Variants in DLG2 observed in about 807,000 individuals in gnomAD.
DLG2 encodes disks large homolog 2.
In DLG2, 45 loss-of-function variants were observed where a neutral mutation model predicts 132.5. The observed-to-expected ratio is 0.34, with a 90% CI of 0.27 to 0.44. The LOEUF is 0.44. DLG2 is among the 20% of genes least tolerant of loss of function. The pLI, the probability that DLG2 is intolerant of heterozygous loss-of-function variation, is 1.00. For missense variants in DLG2, 1,045 were observed against 1,196.9 expected, an observed-to-expected ratio of 0.87 and a Z score of 1.87; for synonymous variants, 424 against 419.6, an observed-to-expected ratio of 1.01 and a Z score of -0.13.
intron 2 of DLG2, among the ~76,000 whole-genome samples, chr11:85,603,263 GT>G (rs1040514062): frequency 6.6e-6 from 1 of 152,148 alleles, no homozygotes; most frequent in African/African-American, 2.4e-5. Context: ...ACAATCAGCA[GT>G]TTCCCCAAAA....
chr11:84,414,256 A>G (rs1473113448), intron 7 of DLG2, among the ~76,000 whole-genome samples: 1 of 152,206 alleles, frequency 6.6e-6, no homozygotes, highest in Non-Finnish European at 1.5e-5. Flanking sequence ...GTTTACTGTT[A>G]TCATTTTATT....
chr11:85,134,092 G>A (rs1156803630), intron 5 of DLG2, among the ~76,000 whole-genome samples: 1 of 151,894 alleles, frequency 6.6e-6, no homozygotes, highest in Non-Finnish European at 1.5e-5. Context: ...AGCACTGCCT[G>A]ACCAATAAAA....
chr11:84,802,741 G>T (rs559451022), intron 6 of DLG2, among the ~76,000 whole-genome samples: 19 of 151,978 alleles, frequency 1.3e-4, no homozygotes, highest in African/African-American at 3.4e-4. Context: ...TCTGTGTTAG[G>T]GGGGATGAAA....
At chr11:84,057,094 C>T (rs188263176) in intron 11 of DLG2, among the ~76,000 whole-genome samples, 1 of 152,272 alleles carries the variant, frequency 6.6e-6, no homozygotes, top group African/African-American at 2.4e-5. Flanking sequence ...CTCCCCATTT[C>T]CCCATTCCAG....
At chr11:83,486,144 CAAATTTTCCT>C (rs1382307804) in intron 21 of DLG2, 4 of 610,884 alleles carry the variant, frequency 6.5e-6, no homozygotes, top group African/African-American at 5.8e-5. Flanking sequence ...GAACTGCCCC[CAAATTTTCCT>C]AGTTAAAAAT....
At chr11:85,498,110 C>T (rs1046458282) in intron 3 of DLG2, among the ~76,000 whole-genome samples, 4 of 152,028 alleles carry the variant, frequency 2.6e-5, no homozygotes, top group African/African-American at 9.7e-5. Flanking sequence ...GGGCTAAATG[C>T]CCCAATTAAA....
intron 6 of DLG2, among the ~76,000 whole-genome samples, chr11:84,719,718 C>T (rs118067426): frequency 0.02 from 3,095 of 152,206 alleles, 50 homozygotes; most frequent in Middle Eastern, 0.044. Flanking sequence ...TGAGTAACTG[C>T]GCCACCTCTT....
chr11:83,564,513 A>T (rs2096667955), intron 19 of DLG2, among the ~76,000 whole-genome samples: 1 of 152,142 alleles, frequency 6.6e-6, no homozygotes. Context: ...ATAACCCAAA[A>T]TTCATTAGGG....
chr11:85,113,185 C>A (rs1405233515), intron 5 of DLG2, among the ~76,000 whole-genome samples: 1 of 152,006 alleles, frequency 6.6e-6, no homozygotes, highest in East Asian at 1.9e-4. Context: ...CAGATAACCA[C>A]AATTTTAAGC....
intron 7 of DLG2, among the ~76,000 whole-genome samples, chr11:84,386,153 C>A (rs2098769147): frequency 6.6e-6 from 1 of 152,052 alleles, no homozygotes; most frequent in Non-Finnish European, 1.5e-5. Context: ...ACTCTCCCAG[C>A]CCAGCCAATT....
chr11:85,029,792 C>G (rs2060856695), intron 6 of DLG2, among the ~76,000 whole-genome samples: 2 of 152,160 alleles, frequency 1.3e-5, no homozygotes, highest in African/African-American at 4.8e-5. Context: ...CTGAAAGTCT[C>G]CTTTACTCCT....
At position 84,562,373 on chromosome 11, in the gene DLG2, T is replaced by C. The variant is rs537120126; in HGVS notation, c.358-27642A>G. Among the ~76,000 whole-genome samples the C allele has an allele frequency of 3.3e-5, 5 of 152,330 alleles. No homozygotes were observed. The South Asian group carries it at 1.0e-3, about 32-fold the overall frequency. ...AAAATTGGGAGCACTCATTTCCTTC[T>C]TTGCATGTGGATTCAAAGGAGGAGT... On this transcript the variant is annotated intron_variant, in intron 6 of 27. Coordinates refer to ENST00000376104, the MANE Select transcript of DLG2 (RefSeq NM_001142699.3).
chr11:84,819,107 A>ACACAC (rs58113219), intron 6 of DLG2, among the ~76,000 whole-genome samples: 1 of 125,558 alleles, frequency 8.0e-6, no homozygotes, highest in African/African-American at 2.9e-5. Flanking sequence ...ACACACACAC[A>ACACAC]ATTTCGTTTG....
At chr11:84,531,067 G>A (rs2154520060) in intron 7 of DLG2, among the ~76,000 whole-genome samples, 1 of 152,278 alleles carries the variant, frequency 6.6e-6, no homozygotes, top group South Asian at 2.1e-4. Context: ...AGGGAGCCAA[G>A]ATTGTGCCAC....
At chr11:84,715,950 T>C (rs1007635137) in intron 6 of DLG2, among the ~76,000 whole-genome samples, 1 of 152,124 alleles carries the variant, frequency 6.6e-6, no homozygotes, top group South Asian at 2.1e-4. Context: ...CTAGGTTATA[T>C]GGTAATTCTA....
intron 18 of DLG2, among the ~76,000 whole-genome samples, chr11:83,731,479 T>C (rs2090996845): frequency 6.6e-6 from 1 of 152,326 alleles, no homozygotes; most frequent in South Asian, 2.1e-4. Flanking sequence ...ATTCCTTTTT[T>C]ATGGGTGCAT....
intron 18 of DLG2, among the ~76,000 whole-genome samples, chr11:83,687,244 C>T (rs2079963139): frequency 6.6e-6 from 1 of 152,204 alleles, no homozygotes; most frequent in African/African-American, 2.4e-5. Flanking sequence ...TACTTTGTTA[C>T]AGCAGCCTTA....
intron 8 of DLG2, among the ~76,000 whole-genome samples, chr11:84,206,752 G>T (rs1004652418): frequency 6.6e-6 from 1 of 151,860 alleles, no homozygotes; most frequent in Non-Finnish European, 1.5e-5. Flanking sequence ...CCTTAGCATG[G>T]ACATTATAAT....
chr11:85,610,027 T>A (rs567353611), intron 2 of DLG2, among the ~76,000 whole-genome samples: 1 of 152,290 alleles, frequency 6.6e-6, no homozygotes, highest in African/African-American at 2.4e-5. Flanking sequence ...GAACAAGTTA[T>A]CCATTTGTTG....
Sources: gnomAD v4.1 joint callset for allele counts (sites outside exome capture counted in the v4.1 genomes callset) on GRCh38, gnomAD v4.1.1 for gene constraint, MANE v1.5 for transcripts, NCBI Gene and HGNC (gene_info 2026-07-23, HGNC 2026-07-21) for gene names.